Variants in NKAIN3 observed in about 807,000 individuals in gnomAD.
NKAIN3 encodes the protein sodium/potassium-transporting ATPase subunit beta-1-interacting protein 3.
NKAIN3 carries 25 observed loss-of-function variants against 30.2 expected under a neutral mutation model. The ratio of observed to expected loss-of-function variants is 0.83; its 90% CI spans 0.60 to 1.16. The LOEUF (loss-of-function observed/expected upper bound fraction) is 1.16, where lower values mean the gene tolerates loss of function less well. Among genes scored for constraint, NKAIN3 ranks in the 50% most tolerant of loss-of-function variants. The probability of loss-of-function intolerance (pLI) is 0.00; values close to 1 mark genes in which losing one functional copy is unlikely to be tolerated. For synonymous variants in NKAIN3, 91 were observed against 89.6 expected, an observed-to-expected ratio of 1.02 and a Z score of -0.09; for missense variants, 225 against 254.1, an observed-to-expected ratio of 0.89 and a Z score of 0.78.
chr8:62,471,619 T>G (rs1806348853), intron 1 of NKAIN3, among the ~76,000 whole-genome samples: 1 of 152,162 alleles, frequency 6.6e-6, no homozygotes, highest in African/African-American at 2.4e-5. Context: ...CAGCTAGTAA[T>G]AGGGTTCACA....
chr8:62,811,161 T>C (rs183274917), intron 4 of NKAIN3, among the ~76,000 whole-genome samples: 3 of 152,272 alleles, frequency 2.0e-5, no homozygotes, highest in East Asian at 1.9e-4. Context: ...TATGTAAACA[T>C]TTATGATTGG....
At chr8:62,724,312 G>A (rs1055358079) in intron 3 of NKAIN3, among the ~76,000 whole-genome samples, 4 of 151,980 alleles carry the variant, frequency 2.6e-5, no homozygotes, top group Admixed American at 1.3e-4. Flanking sequence ...TTTTGATACA[G>A]GCATACAATG....
intron 1 of NKAIN3, among the ~76,000 whole-genome samples, chr8:62,494,115 A>C (rs1167848170): frequency 6.6e-6 from 1 of 152,064 alleles, no homozygotes; most frequent in Non-Finnish European, 1.5e-5. Flanking sequence ...TTTCAAGGGA[A>C]ATGTTTCTAG....
chr8:62,552,840 G>A (rs1408600957), intron 1 of NKAIN3, among the ~76,000 whole-genome samples: 1 of 152,150 alleles, frequency 6.6e-6, no homozygotes, highest in Non-Finnish European at 1.5e-5. Flanking sequence ...TGAAAGCAGA[G>A]GTAGAAAGAA....
chr8:62,502,173 G>A (rs538285874), intron 1 of NKAIN3, among the ~76,000 whole-genome samples: 9 of 152,032 alleles, frequency 5.9e-5, no homozygotes, highest in South Asian at 4.2e-4. Flanking sequence ...TCTCTACTGC[G>A]TTCTTGTACT....
chr8:62,805,110 C>A (rs1164385462), intron 4 of NKAIN3, among the ~76,000 whole-genome samples: 3 of 152,082 alleles, frequency 2.0e-5, no homozygotes, highest in African/African-American at 7.2e-5. Context: ...TGAAGGACCT[C>A]TTCAAGGAGA....
rs186452708 is a variant in NKAIN3, at chr8:62,562,998, T to C, written c.55-16541T>C. Among the ~76,000 whole-genome samples the C allele has an allele frequency of 4.6e-5, 7 of 152,222 alleles. No individual in the cohort carries two copies. In the East Asian group the frequency reaches 1.4e-3, roughly 30 times the overall value. On this transcript the variant is annotated intron_variant, in intron 1 of 6. Transcript: ENST00000623646. ...ACTGTGGGAGTCTTAAATGTCATGG[T>C]AGCTGTGTTCCTGCCAGCTTGTTTG...
intron 1 of NKAIN3, among the ~76,000 whole-genome samples, chr8:62,376,534 A>C (rs1399363011): frequency 6.6e-6 from 1 of 152,152 alleles, no homozygotes; most frequent in Non-Finnish European, 1.5e-5. Flanking sequence ...CCTTCTTCTT[A>C]GTCTACAGGT....
At chr8:62,935,359 C>T (rs1238815514) in intron 5 of NKAIN3, among the ~76,000 whole-genome samples, 1 of 152,144 alleles carries the variant, frequency 6.6e-6, no homozygotes, top group Non-Finnish European at 1.5e-5. Context: ...AAGTCAGCAA[C>T]AGCTTGTTGT....
chr8:62,771,884 A>G (rs1817025294), intron 4 of NKAIN3, among the ~76,000 whole-genome samples: 1 of 152,184 alleles, frequency 6.6e-6, no homozygotes, highest in African/African-American at 2.4e-5. Flanking sequence ...CCATCACCTC[A>G]TATATTTATC....
intron 4 of NKAIN3, among the ~76,000 whole-genome samples, chr8:62,790,416 C>G (rs916191319): frequency 1.3e-5 from 2 of 152,042 alleles, no homozygotes; most frequent in African/African-American, 4.8e-5. Flanking sequence ...CAGGGATGCC[C>G]TCTCTTATCA....
At chr8:62,503,001 C>T (rs1268770616) in intron 1 of NKAIN3, among the ~76,000 whole-genome samples, 8 of 152,168 alleles carry the variant, frequency 5.3e-5, no homozygotes, top group East Asian at 1.9e-4. Flanking sequence ...TGGTCCATGA[C>T]GTGTTGGGAA....
intron 1 of NKAIN3, among the ~76,000 whole-genome samples, chr8:62,576,226 G>A (rs1231486990): frequency 1.3e-5 from 2 of 151,942 alleles, no homozygotes; most frequent in East Asian, 1.9e-4. Context: ...CTGACAAAGG[G>A]TTAATAAATC....
intron 5 of NKAIN3, among the ~76,000 whole-genome samples, chr8:62,949,878 A>G (rs181431342): frequency 1.3e-5 from 2 of 152,268 alleles, no homozygotes; most frequent in East Asian, 1.9e-4. Context: ...TCTTGCTGTT[A>G]TAACTACAGA....
intron 1 of NKAIN3, among the ~76,000 whole-genome samples, chr8:62,464,363 T>C (rs1271541436): frequency 6.6e-6 from 1 of 152,232 alleles, no homozygotes; most frequent in East Asian, 1.9e-4. Flanking sequence ...TTTCATCAAA[T>C]AATTATCAAT....
intron 1 of NKAIN3, among the ~76,000 whole-genome samples, chr8:62,326,066 A>T (rs574548014): frequency 6.6e-6 from 1 of 151,862 alleles, no homozygotes; most frequent in African/African-American, 2.4e-5. Flanking sequence ...TTTATTATTA[A>T]TTTTGCTATA....
intron 1 of NKAIN3, among the ~76,000 whole-genome samples, chr8:62,390,016 T>G (rs1056800475): frequency 6.6e-6 from 1 of 151,816 alleles, no homozygotes; most frequent in African/African-American, 2.4e-5. Flanking sequence ...TGTAACTTTT[T>G]CTTTCTTTTT....
chr8:62,420,480 A>T (rs1804601268), intron 1 of NKAIN3, among the ~76,000 whole-genome samples: 2 of 152,150 alleles, frequency 1.3e-5, no homozygotes, highest in African/African-American at 2.4e-5. Flanking sequence ...GTTCACCAAG[A>T]TTCTTTTTGG....
intron 1 of NKAIN3, among the ~76,000 whole-genome samples, chr8:62,450,025 TCTG>T (rs749995026): frequency 1.7e-4 from 26 of 152,300 alleles, no homozygotes; most frequent in Non-Finnish European, 3.5e-4. Context: ...AAAAATATTT[TCTG>T]CTATTATGAT....
Sources: gnomAD v4.1 joint callset for allele counts (sites outside exome capture counted in the v4.1 genomes callset) on GRCh38, gnomAD v4.1.1 for gene constraint, MANE v1.5 for transcripts, NCBI Gene and HGNC (gene_info 2026-07-23, HGNC 2026-07-21) for gene names.